LRRC58: variants seen among roughly 807,000 people sequenced by gnomAD.
LRRC58 encodes the protein leucine-rich repeat-containing protein 58.
LRRC58 carries 18 observed loss-of-function variants against 30.6 expected under a neutral mutation model. The observed-to-expected ratio is 0.59, with a 90% CI of 0.41 to 0.87. The LOEUF (loss-of-function observed/expected upper bound fraction) is 0.87. LRRC58 is among the 40% of genes least tolerant of loss of function. The pLI is 0.00. For missense variants in LRRC58, 420 were observed against 468.4 expected (o/e 0.90, Z 0.95); for synonymous variants, 221 against 206.0 (o/e 1.07, Z -0.62).
At chr3:120,332,905 A>G (rs1054655141) in intron 3 of LRRC58, among the ~76,000 whole-genome samples, 22 of 151,944 alleles carry the variant, frequency 1.4e-4, no homozygotes, top group African/African-American at 5.3e-4. Context: ...ACATGCCACT[A>G]TGCCCAACTA....
chr3:120,343,479 G>A (rs1248410739), intron 1 of LRRC58, among the ~76,000 whole-genome samples: 1 of 152,108 alleles, frequency 6.6e-6, no homozygotes, highest in Non-Finnish European at 1.5e-5. Context: ...TTCAGTATTT[G>A]AGGAATACAG....
At chr3:120,339,233 AC>A (rs1935873143) in intron 1 of LRRC58, among the ~76,000 whole-genome samples, 2 of 151,772 alleles carry the variant, frequency 1.3e-5, no homozygotes, top group African/African-American at 4.8e-5. Flanking sequence ...GCCAGGAGTT[AC>A]CCCCTTCAAT....
chr3:120,343,949 G>C (rs1935935849), intron 1 of LRRC58, among the ~76,000 whole-genome samples: 1 of 152,164 alleles, frequency 6.6e-6, no homozygotes, highest in African/African-American at 2.4e-5. Context: ...TGAGGCAGGA[G>C]AATCACCTGA....
Position 120,324,921 on chromosome 3 carries a change from CA to C in LRRC58, c.*6278del, listed in dbSNP as rs1309349634. ...TTCCTAATTTGCAAGATTTCAAATA[CA>C]GAAAATTAAGAAATCAGATCATAAA... On this transcript the variant is annotated 3_prime_UTR_variant, in exon 4 of 4. Transcript: ENST00000295628. 1 of 152,116 alleles carries C rather than the reference CA, an allele frequency of 6.6e-6. No individual in the cohort carries two copies. The highest frequency in any genetic ancestry group is 6.5e-5 in the Admixed American group (1 of 15,272). The allele number at this position is 152,116 out of a possible 1,614,324, so 9.4% of individuals were successfully genotyped here. A position where few individuals can be genotyped will look rare whatever the true frequency, so the allele number is the denominator to read the frequency against.
At chr3:120,344,072 A>C (rs1935937881) in intron 1 of LRRC58, among the ~76,000 whole-genome samples, 1 of 151,940 alleles carries the variant, frequency 6.6e-6, no homozygotes, top group South Asian at 2.1e-4. Context: ...CAAAAACAAA[A>C]AAAAACCCCC....
intron 1 of LRRC58, among the ~76,000 whole-genome samples, chr3:120,345,201 G>T (rs1482870298): frequency 6.6e-6 from 1 of 152,170 alleles, no homozygotes; most frequent in Non-Finnish European, 1.5e-5. Context: ...AGAGGTCAAT[G>T]ACACCAATTA....
chr3:120,349,067 C>A lies in LRRC58; in HGVS notation c.177G>T (p.Leu59=), dbSNP rs1356077709. The A allele has an allele frequency of 1.6e-5, 24 of 1,518,370 alleles. No individual in the cohort carries two copies. The highest frequency in any genetic ancestry group is 4.1e-5 in the Admixed American group (2 of 49,210). The allele number at this position is 1,518,370 out of a possible 1,614,324, so 94.1% of individuals were successfully genotyped here. A position where few individuals can be genotyped will look rare whatever the true frequency, so the allele number is the denominator to read the frequency against. The change falls in exon 1 of 4, where the codon CTG becomes CTT. Residue 59 remains leucine (L), a synonymous_variant. Coordinates refer to ENST00000295628, the MANE Select transcript of LRRC58 (RefSeq NM_001099678.2). The part of the protein sequence containing the change: ...LLLPHNRLVS[L]PRALGSGFPH... Reference sequence around the variant, plus strand: ...GGAAGCCGCTGCCCAGCGCCCGTGGCAGCGACACCAGACGGTTGTGAGGCA... The same window carrying A: ...GGAAGCCGCTGCCCAGCGCCCGTGGAAGCGACACCAGACGGTTGTGAGGCA...
rs1175289962 is a variant in LRRC58, at chr3:120,327,213, ACTTCT to A, written c.*3982_*3986del. 6 of 147,318 alleles carry A rather than the reference ACTTCT, an allele frequency of 4.1e-5. No homozygotes were observed. Among genetic ancestry groups the A allele is most frequent in the Admixed American group, 1.4e-4 (2 of 14,814 alleles). The allele number at this position is 147,318 out of a possible 1,614,324, so 9.1% of individuals were successfully genotyped here. ...TAGGACTGTCCCTAGGTGTTTGGTG[ACTTCT>A]CTTCTAGCCCTGTGGCTTCTAAAGA... On this transcript the variant is annotated 3_prime_UTR_variant, in exon 4 of 4. Transcript: ENST00000295628.
At position 120,331,502 on chromosome 3, in the gene LRRC58, C is replaced by T. The variant is rs1266100245; in HGVS notation, c.908-94G>A. 5.6e-6 allele frequency: 5 copies of T among 890,026 alleles called. No homozygotes were observed. In the East Asian group the frequency reaches 1.3e-4, roughly 23 times the overall value. 55.1% of individuals were successfully genotyped at this position (890,026 alleles called of 1,614,324 possible). A position where few individuals can be genotyped will look rare whatever the true frequency, so the allele number is the denominator to read the frequency against. On this transcript the variant is annotated intron_variant, in intron 3 of 3. Coordinates refer to ENST00000295628, the MANE Select transcript of LRRC58 (RefSeq NM_001099678.2). ...TCCAGTGTTCTGGAGAAATGTCATACACCATCTTCTGTTATGAATCTTAAG... is the reference window on the plus strand; with the variant it reads ...TCCAGTGTTCTGGAGAAATGTCATATACCATCTTCTGTTATGAATCTTAAG...
At position 120,342,527 on chromosome 3, in the gene LRRC58, C is replaced by T. The variant is rs1935916981; in HGVS notation, c.500+6217G>A. 2.0e-5 allele frequency among the ~76,000 whole-genome samples: 3 copies of T among 152,122 alleles called. No homozygotes were observed. The South Asian group carries it at 6.2e-4, about 32-fold the overall frequency. ...AGAGACCTCCAAGAGCTTCAGAGACCTGCAGAGATATCCGAATGACTTGCT... is the reference window on the plus strand; with the variant it reads ...AGAGACCTCCAAGAGCTTCAGAGACTTGCAGAGATATCCGAATGACTTGCT... On this transcript the variant is annotated intron_variant, in intron 1 of 3. Coordinates refer to ENST00000295628, the MANE Select transcript of LRRC58 (RefSeq NM_001099678.2).
intron 1 of LRRC58, among the ~76,000 whole-genome samples, chr3:120,345,969 T>A (rs1480043927): frequency 6.6e-6 from 1 of 152,142 alleles, no homozygotes; most frequent in African/African-American, 2.4e-5. Context: ...AGTCAAGTTC[T>A]AGGCTGGGTG....
At position 120,325,322 on chromosome 3, in the gene LRRC58, T is replaced by TA. The variant is rs564442099; in HGVS notation, c.*5877dup. The TA allele has an allele frequency of 9.8e-5, 15 of 152,328 alleles. No homozygotes were observed. In the East Asian group the frequency reaches 1.5e-3, roughly 16 times the overall value. The allele number at this position is 152,328 out of a possible 1,614,324, so 9.4% of individuals were successfully genotyped here. On this transcript the variant is annotated 3_prime_UTR_variant, in exon 4 of 4. Coordinates refer to ENST00000295628, the MANE Select transcript of LRRC58 (RefSeq NM_001099678.2). ...CCCGTATCTTCCAACAGCTGGAACT[T>TA]ACAATAAAAAAGTCTTATCCAATTT...
rs1936013906 is a variant in LRRC58, at chr3:120,348,909, C to G, written c.335G>C (p.Gly112Ala). 3.2e-6 allele frequency: 5 copies of G among 1,566,082 alleles called. No homozygotes were observed. Among genetic ancestry groups the G allele is most frequent in the Non-Finnish European group, 4.3e-6 (5 of 1,157,300 alleles). ...RLGGPSALPKGLAQSPLCRSL... is the reference protein window; with the variant it reads ...RLGGPSALPKALAQSPLCRSL... ...GCGGCAGAGCGGCGACTGGGCCAGG[C>G]CCTTGGGCAGCGCACTGGGCCCGCC... is the stretch of plus-strand genomic sequence containing the variant. The change falls in exon 1 of 4, where the codon GGC becomes GCC. Residue 112 changes from glycine (G) to alanine (A), a missense_variant. Coordinates refer to ENST00000295628, the MANE Select transcript of LRRC58 (RefSeq NM_001099678.2).
chr3:120,335,770 C>T (rs1452266034), intron 2 of LRRC58, 55 bp downstream of exon 2: 12 of 1,403,452 alleles, frequency 8.6e-6, no homozygotes, highest in African/African-American at 1.4e-5. Flanking sequence ...GAATACAAGA[C>T]AATAATTACT....
intron 1 of LRRC58, among the ~76,000 whole-genome samples, chr3:120,346,485 A>C (rs1935970340): frequency 6.6e-6 from 1 of 152,168 alleles, no homozygotes; most frequent in Admixed American, 6.5e-5. Flanking sequence ...GGAGCACATC[A>C]TCTTATGGCA....
rs1396857595 is a variant in LRRC58 at position 120,328,925 on chromosome 3, T to C, written c.*2275A>G. ...ACATTTTGTTGAAATAATACTGTGG[T>C]ATACATCTATATTCTTATATGCAAA... is the stretch of plus-strand genomic sequence containing the variant. On this transcript the variant is annotated 3_prime_UTR_variant, in exon 4 of 4. Transcript: ENST00000295628. 6.6e-6 allele frequency: 1 copy of C among 152,202 alleles called. No homozygotes were observed. The highest frequency in any genetic ancestry group is 1.5e-5 in the Non-Finnish European group (1 of 68,012). 9.4% of individuals were successfully genotyped at this position (152,202 alleles called of 1,614,324 possible). A position where few individuals can be genotyped will look rare whatever the true frequency, so the allele number is the denominator to read the frequency against.
At chr3:120,335,317 T>C (rs1026529467) in intron 2 of LRRC58, among the ~76,000 whole-genome samples, 178 bp from the exon 3 acceptor site, 1 of 152,230 alleles carries the variant, frequency 6.6e-6, no homozygotes, top group Admixed American at 6.5e-5. Flanking sequence ...TTTGTAAATG[T>C]CATGAAGGAC....
At position 120,327,219 on chromosome 3, in the gene LRRC58, C is replaced by T. The variant is rs1056347326; in HGVS notation, c.*3981G>A. ...TGTCCCTAGGTGTTTGGTGACTTCT[C>T]TTCTAGCCCTGTGGCTTCTAAAGAT... On this transcript the variant is annotated 3_prime_UTR_variant, in exon 4 of 4. Transcript: ENST00000295628. 6.8e-6 allele frequency: 1 copy of T among 147,584 alleles called. No homozygotes were observed. The highest frequency in any genetic ancestry group is 1.5e-5 in the Non-Finnish European group (1 of 66,906). 9.1% of individuals were successfully genotyped at this position (147,584 alleles called of 1,614,324 possible). A position where few individuals can be genotyped will look rare whatever the true frequency, so the allele number is the denominator to read the frequency against.
At chr3:120,344,634 G>A (rs1935944840) in intron 1 of LRRC58, among the ~76,000 whole-genome samples, 1 of 152,136 alleles carries the variant, frequency 6.6e-6, no homozygotes, top group South Asian at 2.1e-4. Flanking sequence ...ACAGAAAAAG[G>A]AAGGCATTAC....
Sources: gnomAD v4.1 joint callset for allele counts (sites outside exome capture counted in the v4.1 genomes callset) on GRCh38, gnomAD v4.1.1 for gene constraint, MANE v1.5 for transcripts, NCBI Gene and HGNC (gene_info 2026-07-23, HGNC 2026-07-21) for gene names.